Variants in AKAP6 observed in about 807,000 individuals in gnomAD.
AKAP6 encodes A-kinase anchor protein 6.
Under a neutral mutation model 188.5 loss-of-function variants are expected in AKAP6, and 58 were observed. The observed-to-expected ratio is 0.31, with a 90% CI of 0.25 to 0.38. AKAP6 has a LOEUF of 0.38. Ranked by LOEUF, AKAP6 falls within the 10% of genes least tolerant of loss-of-function variation. AKAP6 has a pLI of 1.00. For missense variants in AKAP6, 2,710 were observed against 2,740.0 expected (o/e 0.99, Z 0.24); for synonymous variants, 989 against 998.6 (o/e 0.99, Z 0.18).
At chr14:32,496,856 A>G (rs1172509041) in intron 2 of AKAP6, among the ~76,000 whole-genome samples, 1 of 152,166 alleles carries the variant, frequency 6.6e-6, no homozygotes, top group African/African-American at 2.4e-5. Flanking sequence ...TGAACCAAAT[A>G]TATTCTTATA....
At chr14:32,574,827 A>G (rs17099309) in intron 4 of AKAP6, among the ~76,000 whole-genome samples, 13,576 of 152,250 alleles carry the variant, frequency 0.089, 976 homozygotes, top group African/African-American at 0.2. Flanking sequence ...ACTAGCATCC[A>G]CAGATGACAG....
At chr14:32,497,868 T>G (rs540463472) in intron 2 of AKAP6, among the ~76,000 whole-genome samples, 3 of 152,218 alleles carry the variant, frequency 2.0e-5, no homozygotes, top group African/African-American at 7.2e-5. Flanking sequence ...GATGAACTCA[T>G]CCCTTTATCA....
intron 9 of AKAP6, among the ~76,000 whole-genome samples, chr14:32,716,913 T>C (rs1478635739): frequency 6.6e-6 from 1 of 152,140 alleles, no homozygotes; most frequent in Non-Finnish European, 1.5e-5. Context: ...TTCTTATTAA[T>C]GGTGTATTTT....
At chr14:32,654,011 C>A (rs913551881) in intron 7 of AKAP6, among the ~76,000 whole-genome samples, 2 of 152,080 alleles carry the variant, frequency 1.3e-5, no homozygotes, top group Non-Finnish European at 2.9e-5. Flanking sequence ...TTCTGCCATG[C>A]GCACAAGTCT....
intron 3 of AKAP6, among the ~76,000 whole-genome samples, chr14:32,539,920 C>A (rs536886494): frequency 8.6e-5 from 13 of 152,028 alleles, no homozygotes; most frequent in African/African-American, 2.9e-4. Context: ...AATGCCACAG[C>A]CCCCACAGGT....
chr14:32,510,651 A>G (rs1312874228), intron 2 of AKAP6, among the ~76,000 whole-genome samples: 1 of 151,644 alleles, frequency 6.6e-6, no homozygotes. Context: ...CTGTGTCTGT[A>G]CCAATGTTTT....
intron 1 of AKAP6, among the ~76,000 whole-genome samples, chr14:32,337,231 G>A (rs972060756): frequency 6.6e-6 from 1 of 152,096 alleles, no homozygotes; most frequent in African/African-American, 2.4e-5. Flanking sequence ...TTGTCCTTTA[G>A]GGTTATTGGT....
At chr14:32,433,960 AAAC>A in intron 2 of AKAP6, 143 bp downstream of exon 2, 1 of 714,576 alleles carries the variant, frequency 1.4e-6, no homozygotes, top group Non-Finnish European at 2.2e-6. Flanking sequence ...CTTTAGAGAT[AAAC>A]ATGGAAATAA....
intron 4 of AKAP6, among the ~76,000 whole-genome samples, chr14:32,573,051 G>C (rs1884561983): frequency 1.3e-5 from 2 of 152,148 alleles, no homozygotes; most frequent in African/African-American, 4.8e-5. Flanking sequence ...AGGAGGACAG[G>C]ATCTTGTGGA....
intron 1 of AKAP6, among the ~76,000 whole-genome samples, chr14:32,428,970 G>A (rs2138691313): frequency 6.6e-6 from 1 of 152,282 alleles, no homozygotes; most frequent in East Asian, 1.9e-4. Context: ...GGGATTTGAT[G>A]GATGTTATTT....
intron 1 of AKAP6, among the ~76,000 whole-genome samples, chr14:32,354,569 C>T (rs901339173): frequency 6.6e-6 from 1 of 152,206 alleles, no homozygotes; most frequent in African/African-American, 2.4e-5. Flanking sequence ...TTATCCAGAT[C>T]TTAAACTTAT....
rs2031389685 is a variant in AKAP6 at position 32,735,731 on chromosome 14, C to A, written c.3221C>A (p.Pro1074His). 6.2e-7 allele frequency: 1 copy of A among 1,613,376 alleles called. No individual in the cohort carries two copies. Among genetic ancestry groups the A allele is most frequent in the Admixed American group, 1.7e-5 (1 of 59,844 alleles). ...TCGAGTCCACGTGACCTGCTCTCTC[C>A]TGAAAGTGGAAGCCTGGTAAGGCAG... ...SGSSPRDLLS[P>H]ESGSLVRQLE... Residue 1074 changes from proline (P) to histidine (H), a missense_variant, in exon 11 of 14, where the codon CCT (proline) becomes CAT (histidine). Pro to His is a moderately conservative substitution (Grantham distance 77). This residue lies in a region of AKAP6 where 2,473 missense variants were observed against 2,426.1 expected (regional missense o/e 1.02). Coordinates refer to ENST00000280979, the MANE Select transcript of AKAP6 (RefSeq NM_004274.5).
intron 1 of AKAP6, among the ~76,000 whole-genome samples, chr14:32,409,409 GT>G (rs1030908334): frequency 6.6e-6 from 1 of 152,174 alleles, no homozygotes; most frequent in Admixed American, 6.5e-5. Context: ...GAGAAAAACA[GT>G]TTTTTTCCCC....
At chr14:32,409,619 TGTGG>T in intron 1 of AKAP6, among the ~76,000 whole-genome samples, 1 of 152,322 alleles carries the variant, frequency 6.6e-6, no homozygotes, top group Non-Finnish European at 1.5e-5. Flanking sequence ...TCTGAAATTG[TGTGG>T]TTCTCATTAA....
At chr14:32,653,714 T>A (rs953770970) in intron 7 of AKAP6, among the ~76,000 whole-genome samples, 1 of 152,208 alleles carries the variant, frequency 6.6e-6, no homozygotes, top group Non-Finnish European at 1.5e-5. Context: ...TAATAATAAT[T>A]ATCTTGAAGA....
chr14:32,480,548 C>A (rs970183318), intron 2 of AKAP6, among the ~76,000 whole-genome samples: 1 of 152,122 alleles, frequency 6.6e-6, no homozygotes, highest in Non-Finnish European at 1.5e-5. Context: ...ATGACTCATG[C>A]AACTATTCTG....
At chr14:32,598,391 A>G (rs189126819) in intron 5 of AKAP6, among the ~76,000 whole-genome samples, 3 of 152,264 alleles carry the variant, frequency 2.0e-5, no homozygotes, top group Admixed American at 2.0e-4. Context: ...GGTTCAATAG[A>G]TTGGTTACTG....
At chr14:32,746,791 G>A (rs2031928134) in intron 11 of AKAP6, among the ~76,000 whole-genome samples, 1 of 152,130 alleles carries the variant, frequency 6.6e-6, no homozygotes, top group Admixed American at 6.5e-5. Flanking sequence ...AAGTCCCTAG[G>A]TCAAAGATCT....
chr14:32,786,298 CTTTTTTTT>C (rs1162974012), intron 12 of AKAP6, among the ~76,000 whole-genome samples: 2 of 82,552 alleles, frequency 2.4e-5, no homozygotes, highest in Admixed American at 1.8e-4. Context: ...AAACCTTTAT[CTTTTTTTT>C]TTTTTTTTTT....
Sources: gnomAD v4.1 joint callset for allele counts (sites outside exome capture counted in the v4.1 genomes callset) on GRCh38, gnomAD v4.1.1 for gene constraint, gnomAD v4.1.1 regional missense constraint, MANE v1.5 for transcripts, NCBI Gene and HGNC (gene_info 2026-07-23, HGNC 2026-07-21) for gene names.